LGALS8: variants seen among roughly 807,000 people sequenced by gnomAD.
The protein encoded by LGALS8 is galectin 8.
Under a neutral mutation model 35.9 loss-of-function variants are expected in LGALS8, and 30 were observed. That is an observed-to-expected ratio of 0.83 (90% CI 0.62 to 1.13). The LOEUF (loss-of-function observed/expected upper bound fraction) is 1.13. LGALS8 is among the 50% of genes most tolerant of loss of function. The pLI, the probability that LGALS8 is intolerant of heterozygous loss-of-function variation, is 0.00. For synonymous variants in LGALS8, 138 were observed against 136.1 expected (o/e 1.01, Z -0.10); for missense variants, 366 against 388.7 (o/e 0.94, Z 0.49).
chr1:236,544,195 C>T (rs1427881073), intron 8 of LGALS8, among the ~76,000 whole-genome samples: 6 of 152,180 alleles, frequency 3.9e-5, no homozygotes, highest in Non-Finnish European at 7.3e-5. Context: ...TCAAGTGATC[C>T]GCCCACTTCG....
At position 236,539,673 on chromosome 1, in the gene LGALS8, A is replaced by C. The variant is rs28706215; in HGVS notation, c.345+584A>C. Among the ~76,000 whole-genome samples the C allele has an allele frequency of 2.0e-5, 3 of 151,806 alleles. No homozygotes were observed. In the South Asian group the frequency reaches 6.2e-4, roughly 31 times the overall value. ...TGTGGAGCTTGCCCACAGTAGAGGT[A>C]TGTACCAACGCGAGAGAAGACTCGA... On this transcript the variant is annotated intron_variant, in intron 4 of 9. Transcript: ENST00000366584.
At chr1:236,542,465 G>A (rs1432423458) in intron 6 of LGALS8, 1 of 450,942 alleles carries the variant, frequency 2.2e-6, no homozygotes, top group African/African-American at 2.0e-5. Flanking sequence ...GGATGACAGA[G>A]TAAGACCCTG....
Position 236,538,920 on chromosome 1 carries a change from G to A in LGALS8, c.176G>A (p.Arg59Gln), listed in dbSNP as rs771204585. Residue 59 changes from arginine to glutamine, a missense_variant, in exon 4 of 10, where the codon CGA becomes CAA. By Grantham distance (43) the Arg-to-Gln change is conservative. Transcript: ENST00000366584. ...DLQNGSSMKPRADVAFHFNPR... is the reference protein window; with the variant it reads ...DLQNGSSMKPQADVAFHFNPR... Reference sequence around the variant, plus strand: ...CAGAATGGCAGCAGCATGAAACCTCGAGCCGATGTGGCCTTTCATTTCAAT... The same window carrying A: ...CAGAATGGCAGCAGCATGAAACCTCAAGCCGATGTGGCCTTTCATTTCAAT... 5.0e-6 allele frequency: 8 copies of A among 1,613,416 alleles called. No homozygotes were observed. The highest frequency in any genetic ancestry group is 1.7e-5 in the Admixed American group (1 of 60,000).
intron 7 of LGALS8, 144 bp downstream of exon 7, chr1:236,542,931 G>A: frequency 1.9e-6 from 3 of 1,614,082 alleles, no homozygotes; most frequent in South Asian, 1.1e-5. Context: ...AATAGAGGAG[G>A]AGACATTTCT....
At chr1:236,525,261 T>C (rs1660750791) in intron 1 of LGALS8, among the ~76,000 whole-genome samples, 1 of 152,198 alleles carries the variant, frequency 6.6e-6, no homozygotes, top group African/African-American at 2.4e-5. Context: ...GCGCTTACTC[T>C]TTCGCTGTTT....
chr1:236,532,625 T>TGAGGTCAGGAGTTC (rs1297845349), intron 2 of LGALS8, among the ~76,000 whole-genome samples: 1 of 152,152 alleles, frequency 6.6e-6, no homozygotes, highest in African/African-American at 2.4e-5. Flanking sequence ...GTGGATCACC[T>TGAGGTCAGGAGTTC]GAGGTCAGGA....
chr1:236,548,067 G>C lies in LGALS8; in HGVS notation c.860G>C (p.Ser287Thr), dbSNP rs1273565122. The C allele has an allele frequency of 6.2e-7, 1 of 1,613,212 alleles. No homozygotes were observed. The highest frequency in any genetic ancestry group is 1.1e-5 in the South Asian group (1 of 91,064). Reference sequence around the variant, plus strand: ...AAGGTTGCAGTAAATGGCGTACACAGCCTGGAGTACAAACACAGATTTAAA... The same window carrying C: ...AAGGTTGCAGTAAATGGCGTACACACCCTGGAGTACAAACACAGATTTAAA... Reference protein sequence around the residue: ...EFKVAVNGVHSLEYKHRFKEL... With the variant: ...EFKVAVNGVHTLEYKHRFKEL... Residue 287 changes from serine to threonine, a missense_variant, in exon 10 of 10, where the codon AGC (serine) becomes ACC (threonine). Physicochemically the swap from Ser to Thr is moderately conservative, Grantham distance 58. Transcript: ENST00000366584.
At chr1:236,531,740 C>T (rs145076284) in intron 2 of LGALS8, among the ~76,000 whole-genome samples, 2 of 152,090 alleles carry the variant, frequency 1.3e-5, no homozygotes, top group Non-Finnish European at 2.9e-5. Flanking sequence ...ATATTATTGC[C>T]CTGGCCTGAC....
intron 8 of LGALS8, 152 bp from the exon 9 acceptor site, chr1:236,544,598 C>CAACTT (rs1014334895): frequency 4.1e-6 from 2 of 490,444 alleles, no homozygotes; most frequent in Non-Finnish European, 6.9e-6. Context: ...TTTAAAATTT[C>CAACTT]AACTTCACCT....
At chr1:236,529,230 G>A (rs1305613586) in intron 2 of LGALS8, among the ~76,000 whole-genome samples, 3 of 152,058 alleles carry the variant, frequency 2.0e-5, no homozygotes, top group Non-Finnish European at 4.4e-5. Flanking sequence ...TGAGCTGTGA[G>A]TTTGACACTG....
Position 236,542,900 on chromosome 1 carries a change from ACT to A in LGALS8, c.549+114_549+115del, listed in dbSNP as rs767845335. 5.0e-6 allele frequency: 8 copies of A among 1,614,136 alleles called. No homozygotes were observed. The Admixed American group carries it at 1.3e-4, about 27-fold the overall frequency. On this transcript the variant is annotated intron_variant, in intron 7 of 9. Transcript: ENST00000366584. ...CATTCATTCCATTCCTTACTGTAGA[ACT>A]GTTTCCCTACAGCCTAGTAATAGAG...
upstream of LGALS8, among the ~76,000 whole-genome samples, chr1:236,518,961 G>A (rs1660478040): frequency 6.6e-6 from 1 of 152,068 alleles, no homozygotes; most frequent in Non-Finnish European, 1.5e-5. Flanking sequence ...GATAGAATAT[G>A]GCATCTATTT....
At chr1:236,522,809 T>C (rs1660593579), upstream of LGALS8, among the ~76,000 whole-genome samples, 1 of 152,166 alleles carries the variant, frequency 6.6e-6, no homozygotes, top group Admixed American at 6.5e-5. Context: ...AGATTGGATC[T>C]TGAGAAGTGC....
chr1:236,519,067 A>C (rs533218495), upstream of LGALS8, among the ~76,000 whole-genome samples: 549 of 152,200 alleles, frequency 3.6e-3, 2 homozygotes, highest in Non-Finnish European at 5.6e-3. Flanking sequence ...TGTGGGCTCT[A>C]TATATATAAT....
intron 7 of LGALS8, chr1:236,543,201 C>A (rs112729807): frequency 1.6e-5 from 11 of 674,818 alleles, no homozygotes; most frequent in African/African-American, 5.4e-5. Context: ...GCCTCTGAGC[C>A]ATTCCTGTGT....
intron 2 of LGALS8, among the ~76,000 whole-genome samples, chr1:236,535,353 G>A (rs998753825): frequency 5.3e-5 from 8 of 150,772 alleles, no homozygotes; most frequent in Non-Finnish European, 8.9e-5. Context: ...CTATTTATGG[G>A]GTATATGGCA....
At chr1:236,544,102 G>A (rs1304345686) in intron 8 of LGALS8, among the ~76,000 whole-genome samples, 6 of 151,876 alleles carry the variant, frequency 4.0e-5, no homozygotes, top group South Asian at 2.1e-4. Context: ...GCACCACCAC[G>A]CCCAGCTACT....
Position 236,543,717 on chromosome 1 carries a change from C to T in LGALS8, c.638+69C>T, listed in dbSNP as rs1012111735. 5.3e-5 allele frequency: 58 copies of T among 1,087,084 alleles called. No homozygotes were observed. In the Admixed American group the frequency reaches 5.9e-4, roughly 11 times the overall value. 67.3% of individuals were successfully genotyped at this position (1,087,084 alleles called of 1,614,324 possible). ...CCTGTTACCGCCTTCCACCCGTGAA[C>T]GGTCCTGTGAGCTGGAAGAAGGGCT... On this transcript the variant is annotated intron_variant, in intron 8 of 9. Transcript: ENST00000366584.
intron 2 of LGALS8, chr1:236,536,258 G>A (rs1661495546): frequency 6.6e-6 from 1 of 152,174 alleles, no homozygotes; most frequent in Admixed American, 6.5e-5. Flanking sequence ...ATCGTAATTT[G>A]AGTGAGCTTA....
Sources: gnomAD v4.1 joint callset for allele counts (sites outside exome capture counted in the v4.1 genomes callset) on GRCh38, gnomAD v4.1.1 for gene constraint, MANE v1.5 for transcripts, NCBI Gene and HGNC (gene_info 2026-07-23, HGNC 2026-07-21) for gene names.